PTPRD: variants seen among roughly 807,000 people sequenced by gnomAD.
The protein encoded by PTPRD is protein tyrosine phosphatase receptor type D.
PTPRD carries 34 observed loss-of-function variants against 214.5 expected under a neutral mutation model. The ratio of observed to expected loss-of-function variants is 0.16; its 90% CI spans 0.12 to 0.21. The LOEUF (loss-of-function observed/expected upper bound fraction) is 0.21. PTPRD is among the 10% of genes least tolerant of loss of function. PTPRD has a pLI of 1.00. For synonymous variants in PTPRD, 1,128 were observed against 845.7 expected (o/e 1.33, Z -5.79); for missense variants, 2,545 against 2,398.7 (o/e 1.06, Z -1.27).
At chr9:9,307,312 G>A (rs567275943) in intron 9 of PTPRD, among the ~76,000 whole-genome samples, 7 of 152,202 alleles carry the variant, frequency 4.6e-5, no homozygotes, top group Admixed American at 3.3e-4. Flanking sequence ...GGCTAGGCAC[G>A]TACCAGCAAT....
At chr9:9,434,110 T>C (rs1331849497) in intron 8 of PTPRD, among the ~76,000 whole-genome samples, 1 of 152,178 alleles carries the variant, frequency 6.6e-6, no homozygotes, top group African/African-American at 2.4e-5. Context: ...TGGAATGTGA[T>C]CAACAAATGG....
chr9:9,905,154 C>T (rs558683406), intron 5 of PTPRD, among the ~76,000 whole-genome samples: 6 of 152,054 alleles, frequency 3.9e-5, no homozygotes, highest in African/African-American at 1.4e-4. Context: ...TTGAACACGA[C>T]ATTTTTTTTC....
At chr9:9,374,825 G>T (rs1181715462) in intron 9 of PTPRD, among the ~76,000 whole-genome samples, 1 of 152,120 alleles carries the variant, frequency 6.6e-6, no homozygotes, top group Non-Finnish European at 1.5e-5. Flanking sequence ...CATCTTTCAA[G>T]TCTCCTAAAT....
intron 2 of PTPRD, among the ~76,000 whole-genome samples, chr9:10,459,493 T>C (rs1410794103): frequency 1.3e-5 from 2 of 152,148 alleles, no homozygotes. Flanking sequence ...TCCACAATGG[T>C]TGAACTAATT....
At chr9:8,731,882 T>A (rs1217497111) in intron 12 of PTPRD, among the ~76,000 whole-genome samples, 2 of 152,202 alleles carry the variant, frequency 1.3e-5, no homozygotes, top group Non-Finnish European at 2.9e-5. Context: ...CAAAATTGAT[T>A]TGGCCAAGTT....
Position 10,487,966 on chromosome 9 carries a change from G to GTCTCTCTCTCTCTCTCTCTCTCTC in PTPRD, c.-600+124408_-600+124431dup, listed in dbSNP as rs56372955. 5.1e-4 allele frequency among the ~76,000 whole-genome samples: 56 copies of GTCTCTCTCTCTCTCTCTCTCTCTC among 110,318 alleles called. 5 individuals are homozygous for GTCTCTCTCTCTCTCTCTCTCTCTC. Among genetic ancestry groups the GTCTCTCTCTCTCTCTCTCTCTCTC allele is most frequent in the African/African-American group, 1.9e-3 (50 of 25,938 alleles). 72.4% of individuals were successfully genotyped at this position (110,318 alleles called of 152,430 possible). A position where few individuals can be genotyped will look rare whatever the true frequency, so the allele number is the denominator to read the frequency against. On this transcript the variant is annotated intron_variant, in intron 2 of 45. Transcript: ENST00000381196. ...CCTTAATTTCTCCCAAATGAACACA[G>GTCTCTCTCTCTCTCTCTCTCTCTC]TCTCTCTCTCTCTCTCTCTCTCTCT...
At chr9:10,326,901 C>A (rs908349453) in intron 3 of PTPRD, among the ~76,000 whole-genome samples, 2 of 151,078 alleles carry the variant, frequency 1.3e-5, no homozygotes, top group African/African-American at 4.8e-5. Flanking sequence ...ATTCTTTGAA[C>A]CTAAAATTTA....
chr9:10,276,158 A>T (rs2094677926), intron 3 of PTPRD, among the ~76,000 whole-genome samples: 1 of 152,216 alleles, frequency 6.6e-6, no homozygotes, highest in Non-Finnish European at 1.5e-5. Context: ...CAAAACAGTC[A>T]TTTCAAAAAA....
rs1204503105 is a variant in PTPRD, at chr9:9,415,517, C to T, written c.-236-18035G>A. Among the ~76,000 whole-genome samples the T allele has an allele frequency of 2.6e-5, 4 of 152,044 alleles. No homozygotes were observed. The South Asian group carries it at 8.3e-4, about 32-fold the overall frequency. On this transcript the variant is annotated intron_variant, in intron 8 of 45. Transcript: ENST00000381196. Reference sequence around the variant, plus strand: ...TAAAATAAAAAAATTTTAAAAAACCCTCTCTAATGAGATTTATGAGCCAAG... The same window carrying T: ...TAAAATAAAAAAATTTTAAAAAACCTTCTCTAATGAGATTTATGAGCCAAG...
In PTPRD at chr9:9,593,291, A is replaced by C. The variant is rs370531350; in HGVS notation, c.-286-18510T>G. Among the ~76,000 whole-genome samples the C allele has an allele frequency of 4.8e-3, 720 of 151,212 alleles. 6 individuals carry two copies. The highest frequency in any genetic ancestry group is 9.3e-3 in the Admixed American group (142 of 15,188). Reference sequence around the variant, plus strand: ...GATTGTCCACACTATTTTTTATGGAAACTTAACTTTTTTTTTTTTTGCTTG... The same window carrying C: ...GATTGTCCACACTATTTTTTATGGACACTTAACTTTTTTTTTTTTTGCTTG... On this transcript the variant is annotated intron_variant, in intron 7 of 45. Transcript: ENST00000381196.
chr9:10,330,711 C>T (rs558158643), intron 3 of PTPRD, among the ~76,000 whole-genome samples: 14 of 151,842 alleles, frequency 9.2e-5, no homozygotes, highest in African/African-American at 3.4e-4. Context: ...GTTTACTCTC[C>T]AAAGGTGGAT....
At chr9:10,009,556 A>G (rs10816277) in intron 4 of PTPRD, among the ~76,000 whole-genome samples, 77,176 of 151,708 alleles carry the variant, frequency 0.51, 22,002 homozygotes, top group Middle Eastern at 0.68. Flanking sequence ...GTGGAGACCA[A>G]GGTTCTCATT....
Position 8,317,397 on chromosome 9 carries a change from A to T in PTPRD, c.*477T>A, listed in dbSNP as rs1822725182. The T allele has an allele frequency of 8.6e-6, 2 of 232,966 alleles. No individual in the cohort carries two copies. 14.4% of individuals were successfully genotyped at this position (232,966 alleles called of 1,614,324 possible). ...ACTAAATCAAGGACTTTCTTTTTAAACATTCCCTCCCCTTTCCCCCTAAAA... is the reference window on the plus strand; with the variant it reads ...ACTAAATCAAGGACTTTCTTTTTAATCATTCCCTCCCCTTTCCCCCTAAAA... On this transcript the variant is annotated 3_prime_UTR_variant, in exon 46 of 46. Transcript: ENST00000381196.
chr9:9,846,877 T>G (rs1175195104), intron 5 of PTPRD, among the ~76,000 whole-genome samples: 1 of 151,988 alleles, frequency 6.6e-6, no homozygotes, highest in Non-Finnish European at 1.5e-5. Context: ...ACAGGAGAAT[T>G]AAAGAGAGTA....
intron 10 of PTPRD, among the ~76,000 whole-genome samples, chr9:9,056,286 A>T (rs1590706469): frequency 6.6e-6 from 1 of 152,176 alleles, no homozygotes; most frequent in Admixed American, 6.5e-5. Flanking sequence ...CAGAAACATC[A>T]GGTGCTTAAT....
chr9:9,642,245 C>T (rs1263768422), intron 7 of PTPRD, among the ~76,000 whole-genome samples: 5 of 132,442 alleles, frequency 3.8e-5, no homozygotes, highest in African/African-American at 8.7e-5. Context: ...AAGGGGAATA[C>T]CACACTCTGG....
chr9:9,427,831 G>C (rs554103895), intron 8 of PTPRD, among the ~76,000 whole-genome samples: 2 of 152,260 alleles, frequency 1.3e-5, no homozygotes, highest in South Asian at 2.1e-4. Flanking sequence ...ACGTGAAAGA[G>C]AAATAAAATC....
At chr9:10,136,344 G>T (rs898357890) in intron 3 of PTPRD, among the ~76,000 whole-genome samples, 7 of 151,926 alleles carry the variant, frequency 4.6e-5, no homozygotes, top group African/African-American at 1.2e-4. Context: ...AAAACTAACA[G>T]AAATTTTGGA....
chr9:10,455,103 A>G (rs2098898741), intron 2 of PTPRD, among the ~76,000 whole-genome samples: 1 of 151,672 alleles, frequency 6.6e-6, no homozygotes, highest in Middle Eastern at 3.2e-3. Context: ...CTGTCTCCCC[A>G]CATTTTAAGA....
Sources: gnomAD v4.1 joint callset for allele counts (sites outside exome capture counted in the v4.1 genomes callset) on GRCh38, gnomAD v4.1.1 for gene constraint, MANE v1.5 for transcripts, NCBI Gene and HGNC (gene_info 2026-07-23, HGNC 2026-07-21) for gene names.